RIN3: variants seen among roughly 807,000 people sequenced by gnomAD.
The protein encoded by RIN3 is Ras and Rab interactor 3, also known as RAB5 interacting protein 3.
Under a neutral mutation model 76.3 loss-of-function variants are expected in RIN3, and 54 were observed. The observed-to-expected ratio is 0.71, with a 90% CI of 0.57 to 0.89. The LOEUF is 0.89. Ranked by LOEUF, RIN3 falls within the 40% of genes least tolerant of loss-of-function variation. RIN3 has a pLI of 0.00. For synonymous variants in RIN3, 576 were observed against 564.0 expected (o/e 1.02, Z -0.30); for missense variants, 1,256 against 1,322.1 (o/e 0.95, Z 0.78).
chr14:92,517,735 A>C (rs950360238), intron 1 of RIN3, among the ~76,000 whole-genome samples: 2 of 152,292 alleles, frequency 1.3e-5, no homozygotes, highest in East Asian at 1.9e-4. Context: ...GTTTTCCCCC[A>C]AGATTGGAGC....
intron 2 of RIN3, chr14:92,576,275 G>T (rs543357252): frequency 2.3e-6 from 3 of 1,288,832 alleles, no homozygotes; most frequent in Non-Finnish European, 3.0e-6. Context: ...GCAGAATCCC[G>T]CTCCCCATGC....
chr14:92,636,933 G>A (rs1399033307), intron 4 of RIN3, among the ~76,000 whole-genome samples: 1 of 152,060 alleles, frequency 6.6e-6, no homozygotes, highest in East Asian at 1.9e-4. Flanking sequence ...AATGGTGTGT[G>A]TGCGTGTGTG....
intron 2 of RIN3, 94 bp from the exon 3 acceptor site, chr14:92,577,266 G>A (rs1485811819): frequency 1.3e-6 from 1 of 797,890 alleles, no homozygotes; most frequent in African/African-American, 1.7e-5. Context: ...CATCATTTCA[G>A]GAACCTTCCA....
intron 3 of RIN3, among the ~76,000 whole-genome samples, chr14:92,580,848 A>T (rs940639092): frequency 6.6e-6 from 1 of 152,238 alleles, no homozygotes; most frequent in African/African-American, 2.4e-5. Flanking sequence ...TGGTCACAAG[A>T]TCACACCTAA....
At chr14:92,545,576 C>CTTTTTTT (rs1566835630) in intron 1 of RIN3, among the ~76,000 whole-genome samples, 2 of 125,056 alleles carry the variant, frequency 1.6e-5, no homozygotes, top group South Asian at 2.7e-4. Flanking sequence ...TTTCTTTTTT[C>CTTTTTTT]TTTTTCTTTT....
At chr14:92,686,359 C>T (rs1167416936) in intron 9 of RIN3, 12 of 152,248 alleles carry the variant, frequency 7.9e-5, no homozygotes, top group Admixed American at 7.9e-4. Flanking sequence ...GGGGAGAAAA[C>T]AAAAGCTCTG....
At chr14:92,520,859 G>A (rs1164893076) in intron 1 of RIN3, among the ~76,000 whole-genome samples, 1 of 152,180 alleles carries the variant, frequency 6.6e-6, no homozygotes, top group Admixed American at 6.5e-5. Flanking sequence ...CTTAATCTCA[G>A]TCAATGTCAG....
At chr14:92,576,517 A>C (rs1462793779) in intron 2 of RIN3, 1 of 782,700 alleles carries the variant, frequency 1.3e-6, no homozygotes, top group Non-Finnish European at 1.9e-6. Flanking sequence ...GCCTCATGGC[A>C]TGGAGGTCCC....
intron 2 of RIN3, among the ~76,000 whole-genome samples, chr14:92,567,729 T>C (rs1251189756): frequency 6.6e-6 from 1 of 151,972 alleles, no homozygotes; most frequent in African/African-American, 2.4e-5. Flanking sequence ...GCAAAGACTT[T>C]GTGGCTCTTT....
intron 4 of RIN3, among the ~76,000 whole-genome samples, chr14:92,621,235 CAAAAAAA>C (rs572318532): frequency 8.5e-5 from 6 of 70,696 alleles, no homozygotes; most frequent in African/African-American, 1.2e-4. Flanking sequence ...GACTCCGTCT[CAAAAAAA>C]AAAAAAAAAA....
chr14:92,527,381 C>T (rs936770639), intron 1 of RIN3, among the ~76,000 whole-genome samples: 14 of 152,168 alleles, frequency 9.2e-5, no homozygotes, highest in African/African-American at 2.9e-4. Flanking sequence ...GGACATCAGT[C>T]GCTTTGGATT....
intron 3 of RIN3, among the ~76,000 whole-genome samples, chr14:92,581,609 C>T (rs1298132167): frequency 6.6e-6 from 1 of 152,170 alleles, no homozygotes; most frequent in Non-Finnish European, 1.5e-5. Context: ...CCTTCCCCAC[C>T]TCCCCGCCCA....
At chr14:92,579,510 G>T (rs544316562) in intron 3 of RIN3, among the ~76,000 whole-genome samples, 29 of 152,342 alleles carry the variant, frequency 1.9e-4, no homozygotes, top group African/African-American at 6.7e-4. Context: ...ATGGCTATGT[G>T]TATACATGCC....
chr14:92,518,960 C>T (rs571157191), intron 1 of RIN3, among the ~76,000 whole-genome samples: 1 of 152,190 alleles, frequency 6.6e-6, no homozygotes, highest in South Asian at 2.1e-4. Flanking sequence ...GTCCTGTCTC[C>T]TCTAGTATTT....
At chr14:92,663,055 C>A (rs779596585) in intron 7 of RIN3, among the ~76,000 whole-genome samples, 1 of 152,172 alleles carries the variant, frequency 6.6e-6, no homozygotes, top group East Asian at 1.9e-4. Flanking sequence ...AAGCAATTTG[C>A]CCGCCTTGGC....
chr14:92,681,376 C>T lies in RIN3; in HGVS notation c.2468-3611C>T, dbSNP rs991402954. ...GTAGGGCGTGGCTGCTCCCCTTTCACCTGCGAGGGTGAGACACCCCCAGAG... is the reference window on the plus strand; with the variant it reads ...GTAGGGCGTGGCTGCTCCCCTTTCATCTGCGAGGGTGAGACACCCCCAGAG... On this transcript the variant is annotated intron_variant, in intron 8 of 9. Transcript: ENST00000216487. This position sits in a 1 kb window ranked among gnomAD's most constrained non-coding sequence, Gnocchi z 4.7. 1.3e-5 allele frequency among the ~76,000 whole-genome samples: 2 copies of T among 152,210 alleles called. No individual in the cohort carries two copies. Among genetic ancestry groups the T allele is most frequent in the African/African-American group, 4.8e-5 (2 of 41,452 alleles).
intron 1 of RIN3, among the ~76,000 whole-genome samples, chr14:92,533,016 G>A (rs1474291341): frequency 1.3e-5 from 2 of 152,202 alleles, no homozygotes; most frequent in Admixed American, 6.5e-5. Context: ...AGATGGCACA[G>A]GACTGGATTT....
At chr14:92,588,489 G>C (rs576758244) in intron 3 of RIN3, among the ~76,000 whole-genome samples, 1 of 151,962 alleles carries the variant, frequency 6.6e-6, no homozygotes, top group East Asian at 1.9e-4. Flanking sequence ...GCCTCCCAAA[G>C]TGCTGGGATT....
chr14:92,576,182 G>A, intron 2 of RIN3: 1 of 1,226,534 alleles, frequency 8.2e-7, no homozygotes, highest in South Asian at 1.4e-5. Flanking sequence ...TCCAGAAGGT[G>A]TCACCTGCCA....
Sources: gnomAD v4.1 joint callset for allele counts (sites outside exome capture counted in the v4.1 genomes callset) on GRCh38, gnomAD v4.1.1 for gene constraint, Gnocchi (gnomAD v3.1) non-coding constraint, MANE v1.5 for transcripts, NCBI Gene and HGNC (gene_info 2026-07-23, HGNC 2026-07-21) for gene names.